PRR5: variants seen among roughly 807,000 people sequenced by gnomAD.
PRR5 encodes proline-rich protein 5.
Under a neutral mutation model 30.6 loss-of-function variants are expected in PRR5, and 25 were observed. The ratio of observed to expected loss-of-function variants is 0.82; its 90% CI spans 0.60 to 1.14. The LOEUF (loss-of-function observed/expected upper bound fraction) is 1.14, where lower values mean the gene tolerates loss of function less well. PRR5 is among the 50% of genes most tolerant of loss of function. The pLI, the probability that PRR5 is intolerant of heterozygous loss-of-function variation, is 0.00. For missense variants in PRR5, 600 were observed against 547.1 expected, an observed-to-expected ratio of 1.10 and a Z score of -0.96; for synonymous variants, 286 against 247.1, an observed-to-expected ratio of 1.16 and a Z score of -1.48.
intron 1 of PRR5, among the ~76,000 whole-genome samples, chr22:44,671,534 C>T (rs940782607): frequency 1.1e-4 from 17 of 152,070 alleles, no homozygotes; most frequent in Admixed American, 1.0e-3. Flanking sequence ...CTCAGACCCT[C>T]AGCTTCTGGT....
chr22:44,709,956 C>T (rs867499251), intron 1 of PRR5, among the ~76,000 whole-genome samples: 3 of 152,190 alleles, frequency 2.0e-5, no homozygotes, highest in Non-Finnish European at 2.9e-5. Flanking sequence ...ATGGCCGCCA[C>T]GGAAACCCAC....
rs566104791 is a variant in PRR5, at chr22:44,730,473, G to A, written c.323-1257G>A. On this transcript the variant is annotated intron_variant, in intron 4 of 7. Coordinates refer to ENST00000336985, the MANE Select transcript of PRR5 (RefSeq NM_181333.4). Reference sequence around the variant, plus strand: ...GGTTCTTCACGTTGCCTCTCCCACTGGAACCCAGAGCCAGCTTGGGCAGCT... The same window carrying A: ...GGTTCTTCACGTTGCCTCTCCCACTAGAACCCAGAGCCAGCTTGGGCAGCT... 12 of 988,932 alleles carry A rather than the reference G, an allele frequency of 1.2e-5. No individual in the cohort carries two copies. In the East Asian group the frequency reaches 1.0e-3, roughly 84 times the overall value. 61.3% of individuals were successfully genotyped at this position (988,932 alleles called of 1,614,324 possible). A position where few individuals can be genotyped will look rare whatever the true frequency, so the allele number is the denominator to read the frequency against.
At chr22:44,732,823 G>A (rs1284618258) in intron 6 of PRR5, among the ~76,000 whole-genome samples, 25 of 69,166 alleles carry the variant, frequency 3.6e-4, no homozygotes, top group Non-Finnish European at 8.6e-4. Flanking sequence ...CTACACGTGT[G>A]CACGCACATA....
intron 1 of PRR5, among the ~76,000 whole-genome samples, chr22:44,696,907 T>C (rs368632528): frequency 1.1e-4 from 16 of 152,224 alleles, no homozygotes; most frequent in African/African-American, 3.6e-4. Context: ...CGGCTAATTT[T>C]TGTATTTTTA....
At chr22:44,685,551 C>T (rs1924668416) in intron 1 of PRR5, among the ~76,000 whole-genome samples, 1 of 147,216 alleles carries the variant, frequency 6.8e-6, no homozygotes, top group South Asian at 2.1e-4. Context: ...CCACACCCCT[C>T]TCGCCAGTGA....
chr22:44,675,762 G>GTTATTATTA (rs150864660), upstream of PRR5, among the ~76,000 whole-genome samples: 7,892 of 142,802 alleles, frequency 0.055, 246 homozygotes, highest in East Asian at 0.093. Context: ...TGTTGCTGTT[G>GTTATTATTA]TTATTATTAT....
In PRR5 at chr22:44,702,429, G is replaced by A; in HGVS notation, c.-46G>A. ...CCCTTGGTGCGGCGTGGCGCAGGGCGCGGCGTGGGGCGCGCGTGGGCGCGG... is the reference window on the plus strand; with the variant it reads ...CCCTTGGTGCGGCGTGGCGCAGGGCACGGCGTGGGGCGCGCGTGGGCGCGG... On this transcript the variant is annotated 5_prime_UTR_variant, in exon 1 of 8. Transcript: ENST00000336985. The A allele has an allele frequency of 2.4e-6, 3 of 1,269,820 alleles. No individual in the cohort carries two copies. Among genetic ancestry groups the A allele is most frequent in the Non-Finnish European group, 3.0e-6 (3 of 1,006,336 alleles). 78.7% of individuals were successfully genotyped at this position (1,269,820 alleles called of 1,614,324 possible).
intron 2 of PRR5, among the ~76,000 whole-genome samples, chr22:44,715,368 T>G (rs1418475019): frequency 6.6e-6 from 1 of 152,200 alleles, no homozygotes; most frequent in African/African-American, 2.4e-5. Context: ...AAAAGAATAC[T>G]GGCAAAATAG....
intron 2 of PRR5, among the ~76,000 whole-genome samples, chr22:44,716,153 G>C (rs1232542295): frequency 6.6e-6 from 1 of 152,188 alleles, no homozygotes; most frequent in Non-Finnish European, 1.5e-5. Flanking sequence ...GGGGGTGGGG[G>C]CACAGAGAAG....
At chr22:44,711,796 C>T (rs1928280949) in intron 1 of PRR5, among the ~76,000 whole-genome samples, 1 of 152,092 alleles carries the variant, frequency 6.6e-6, no homozygotes, top group Non-Finnish European at 1.5e-5. Flanking sequence ...TCGCCATATC[C>T]CAGAGGCTCT....
chr22:44,697,739 C>T (rs1294034067), upstream of PRR5, among the ~76,000 whole-genome samples: 1 of 152,230 alleles, frequency 6.6e-6, no homozygotes, highest in Admixed American at 6.5e-5. Context: ...AGGGCTCCAG[C>T]CTCAGCTCCC....
chr22:44,693,693 A>C (rs1216582002), intron 1 of PRR5, among the ~76,000 whole-genome samples: 4 of 126,394 alleles, frequency 3.2e-5, no homozygotes, highest in South Asian at 2.6e-4. Context: ...TCAGTGGCTC[A>C]CTCGGCTCAG....
upstream of PRR5, among the ~76,000 whole-genome samples, chr22:44,700,256 G>A (rs1926133093): frequency 6.6e-6 from 1 of 152,080 alleles, no homozygotes; most frequent in Non-Finnish European, 1.5e-5. Flanking sequence ...CTGAGGTCAG[G>A]AGTTTAAGAC....
At chr22:44,670,568 G>A (rs1045330466) in intron 1 of PRR5, among the ~76,000 whole-genome samples, 6 of 152,232 alleles carry the variant, frequency 3.9e-5, no homozygotes, top group Admixed American at 3.3e-4. Flanking sequence ...TGGGTGGATC[G>A]GCCGTGAGAA....
At chr22:44,736,295 T>G (rs1923243935) in intron 7 of PRR5, among the ~76,000 whole-genome samples, 1 of 152,234 alleles carries the variant, frequency 6.6e-6, no homozygotes, top group Non-Finnish European at 1.5e-5. Context: ...TGTCCCCATC[T>G]GCTCCCATCA....
chr22:44,714,622 C>T lies in PRR5; in HGVS notation c.166C>T (p.Arg56Cys), dbSNP rs587777903. 3 of 1,613,696 alleles carry T rather than the reference C, an allele frequency of 1.9e-6. No homozygotes were observed. The highest frequency in any genetic ancestry group is 1.7e-5 in the Admixed American group (1 of 60,014). Residue 56 changes from arginine to cysteine, a missense_variant, in exon 2 of 8, where the codon CGC becomes TGC. Physicochemically the swap from Arg to Cys is radical, Grantham distance 180 (BLOSUM62 -3). Coordinates refer to ENST00000336985, the MANE Select transcript of PRR5 (RefSeq NM_181333.4). ...CAACGGGGTGATCGCCGTCTTCCAG[C>T]GCAAGGGGCTGCCCGACCAGGAGCT... ...IHNGVIAVFQ[R>C]KGLPDQELFS...
chr22:44,736,966 T>C lies in PRR5; in HGVS notation c.886T>C (p.Ser296Pro), dbSNP rs757352288. The change falls in exon 8 of 8, where the codon TCC (serine) becomes CCC (proline). Residue 296 changes from serine (S) to proline (P), a missense_variant. Ser to Pro is a moderately conservative substitution (Grantham distance 74). Coordinates refer to ENST00000336985, the MANE Select transcript of PRR5 (RefSeq NM_181333.4). ...GTCCTGCCCCGAGCCTCAGGGCTTC[T>C]CCGACCCGCCCGGCCAGGGCCCCAC... ...MTSCPEPQGF[S>P]DPPGQGPTGT... 6 of 1,602,394 alleles carry C rather than the reference T, an allele frequency of 3.7e-6. No homozygotes were observed. In the African/African-American group the frequency reaches 6.7e-5, roughly 18 times the overall value.
chr22:44,735,851 G>A lies in PRR5; in HGVS notation c.691+689G>A, dbSNP rs1923136972. Among the ~76,000 whole-genome samples the A allele has an allele frequency of 1.3e-5, 2 of 152,220 alleles. 1 individual carries two copies. Among genetic ancestry groups the A allele is most frequent in the African/African-American group, 4.8e-5 (2 of 41,446 alleles). ...GGGCTCCCCGTCCCCACCTGCTGGTGTAAAACCTGCCCACTGGTGTGTCTC... is the reference window on the plus strand; with the variant it reads ...GGGCTCCCCGTCCCCACCTGCTGGTATAAAACCTGCCCACTGGTGTGTCTC... On this transcript the variant is annotated intron_variant, in intron 7 of 7. Coordinates refer to ENST00000336985, the MANE Select transcript of PRR5 (RefSeq NM_181333.4).
chr22:44,706,554 G>A (rs1422290258), intron 1 of PRR5, among the ~76,000 whole-genome samples: 3 of 152,162 alleles, frequency 2.0e-5, no homozygotes, highest in African/African-American at 7.2e-5. Context: ...TTTTGAGAGA[G>A]GGTCTTGCTC....
Sources: allele counts gnomAD v4.1 joint callset (sites outside exome capture counted in the v4.1 genomes callset), GRCh38; gene constraint gnomAD v4.1.1; transcripts MANE v1.5; gene names NCBI Gene and HGNC (gene_info 2026-07-23, HGNC 2026-07-21).